Variants in ROBO2 observed in about 807,000 individuals in gnomAD.
ROBO2 encodes the protein roundabout guidance receptor 2.
A neutral mutation model predicts 160.8 loss-of-function variants in ROBO2; 53 were observed. The ratio of observed to expected loss-of-function variants is 0.33; its 90% CI spans 0.26 to 0.41. The LOEUF (loss-of-function observed/expected upper bound fraction) is 0.41, where lower values mean the gene tolerates loss of function less well. Among genes scored for constraint, ROBO2 ranks in the 10% least tolerant of loss-of-function variants. The pLI is 1.00. For missense variants in ROBO2, 1,577 were observed against 1,722.4 expected, an observed-to-expected ratio of 0.92 and a Z score of 1.49; for synonymous variants, 664 against 611.7, an observed-to-expected ratio of 1.09 and a Z score of -1.26.
At chr3:76,455,458 AAG>A (rs898717378) in intron 2 of ROBO2, among the ~76,000 whole-genome samples, 7 of 152,150 alleles carry the variant, frequency 4.6e-5, no homozygotes, top group Admixed American at 1.3e-4. Flanking sequence ...AAAAAATAAA[AAG>A]AGTAAAATAA....
chr3:77,437,402 A>G (rs564031030), intron 2 of ROBO2, among the ~76,000 whole-genome samples: 20 of 152,074 alleles, frequency 1.3e-4, no homozygotes, highest in African/African-American at 4.6e-4. Context: ...AGGGTTACCT[A>G]TTTAGGATTT....
intron 2 of ROBO2, among the ~76,000 whole-genome samples, chr3:76,598,905 T>C (rs2086912448): frequency 6.6e-6 from 1 of 152,166 alleles, no homozygotes; most frequent in Non-Finnish European, 1.5e-5. Context: ...AGAAAGTATA[T>C]AATAACCTTG....
intron 2 of ROBO2, among the ~76,000 whole-genome samples, chr3:76,669,755 G>T (rs2092192124): frequency 6.6e-6 from 1 of 152,128 alleles, no homozygotes; most frequent in Non-Finnish European, 1.5e-5. Flanking sequence ...ACTCTTAAGA[G>T]CAGAATTAAC....
intron 17 of ROBO2, among the ~76,000 whole-genome samples, chr3:77,593,163 A>G (rs2094217453): frequency 2.0e-5 from 3 of 151,674 alleles, no homozygotes; most frequent in Admixed American, 6.6e-5. Context: ...TATTCACACC[A>G]TTATCTTAAC....
chr3:77,432,684 C>A (rs1279501962), intron 2 of ROBO2, among the ~76,000 whole-genome samples: 3 of 152,188 alleles, frequency 2.0e-5, no homozygotes, highest in Non-Finnish European at 4.4e-5. Flanking sequence ...ACAAACCCAA[C>A]TTTTCAGTGG....
At chr3:76,434,241 T>A in intron 2 of ROBO2, 1 of 1,017,946 alleles carries the variant, frequency 9.8e-7, no homozygotes, top group African/African-American at 1.6e-5. Flanking sequence ...AGGTTTGACG[T>A]TGGAGCGAGC....
intron 2 of ROBO2, among the ~76,000 whole-genome samples, chr3:76,814,606 T>A (rs2065500890): frequency 6.6e-6 from 1 of 151,984 alleles, no homozygotes; most frequent in Non-Finnish European, 1.5e-5. Context: ...TTTTTTGTCA[T>A]TGATCAATGA....
intron 2 of ROBO2, among the ~76,000 whole-genome samples, chr3:76,343,377 AAT>A (rs1327606154): frequency 1.3e-5 from 2 of 152,088 alleles, no homozygotes; most frequent in African/African-American, 4.8e-5. Flanking sequence ...TGTGGAATTC[AAT>A]ATATGTCTAA....
At chr3:76,930,735 A>G (rs778050417) in intron 2 of ROBO2, among the ~76,000 whole-genome samples, 1 of 152,210 alleles carries the variant, frequency 6.6e-6, no homozygotes, top group African/African-American at 2.4e-5. Flanking sequence ...GTCAGATGGC[A>G]AGAGAAAATG....
At chr3:76,077,075 T>C (rs2068666681) in intron 2 of ROBO2, among the ~76,000 whole-genome samples, 1 of 152,222 alleles carries the variant, frequency 6.6e-6, no homozygotes, top group Non-Finnish European at 1.5e-5. Context: ...TTAGTTGTTG[T>C]TGATTATCCC....
At chr3:77,625,386 C>CTT (rs200584185) in intron 23 of ROBO2, among the ~76,000 whole-genome samples, 1 of 145,078 alleles carries the variant, frequency 6.9e-6, no homozygotes, top group African/African-American at 2.5e-5. Context: ...TTTCTTTCTT[C>CTT]TTTTTTTTTT....
intron 2 of ROBO2, among the ~76,000 whole-genome samples, chr3:76,924,757 C>T (rs1487535816): frequency 6.6e-6 from 1 of 152,178 alleles, no homozygotes. Context: ...ATTGGAATTC[C>T]AGCTTCACTA....
In ROBO2 at chr3:75,917,359, A is replaced by C. The variant is rs1434436487; in HGVS notation, c.-14+10399A>C. On this transcript the variant is annotated intron_variant, in intron 1 of 26. Transcript: ENST00000487694. ...AGCTTCATCCATGTCCCTGCAAAGG[A>C]CATGAACTCATCGTTTTTTATGGCT... is the stretch of plus-strand genomic sequence containing the variant. Among the ~76,000 whole-genome samples, 3 of 152,192 alleles carry C rather than the reference A, an allele frequency of 2.0e-5. No individual in the cohort carries two copies. The East Asian group carries it at 5.8e-4, about 29-fold the overall frequency.
At chr3:77,344,271 T>G (rs1206675925) in intron 2 of ROBO2, among the ~76,000 whole-genome samples, 1 of 152,178 alleles carries the variant, frequency 6.6e-6, no homozygotes, top group Non-Finnish European at 1.5e-5. Flanking sequence ...TATTTTTTTC[T>G]TAAAATATAT....
intron 2 of ROBO2, among the ~76,000 whole-genome samples, chr3:76,052,066 C>T (rs1244257424): frequency 2.0e-5 from 3 of 152,030 alleles, no homozygotes; most frequent in Non-Finnish European, 4.4e-5. Flanking sequence ...CATTCTTTTA[C>T]ACACACCTCA....
chr3:76,663,595 T>A (rs1473836099), intron 2 of ROBO2, among the ~76,000 whole-genome samples: 1 of 151,964 alleles, frequency 6.6e-6, no homozygotes, highest in African/African-American at 2.4e-5. Context: ...GCCGAATAAA[T>A]AAAGATAGGA....
chr3:76,929,907 C>T (rs1359019942), intron 2 of ROBO2, among the ~76,000 whole-genome samples: 1 of 152,198 alleles, frequency 6.6e-6, no homozygotes, highest in East Asian at 1.9e-4. Context: ...ATTCACCTTA[C>T]CTTTCTGACT....
rs180720403 is a variant in ROBO2, at chr3:77,615,566, G to A, written c.3294-1947G>A. On this transcript the variant is annotated intron_variant, in intron 21 of 25. Transcript: ENST00000461745. ...GTCTCCGTAGCGTTGACTTTTCCAG[G>A]GTGTCAAGTAGTTGGAATCTTATTG... Among the ~76,000 whole-genome samples, 288 of 152,118 alleles carry A rather than the reference G, an allele frequency of 1.9e-3. 1 individual carries two copies. Among genetic ancestry groups the A allele is most frequent in the African/African-American group, 6.7e-3 (279 of 41,494 alleles).
At chr3:76,163,862 G>A in intron 2 of ROBO2, among the ~76,000 whole-genome samples, 1 of 152,062 alleles carries the variant, frequency 6.6e-6, no homozygotes. Flanking sequence ...GATCAGGGTA[G>A]TAGTTGCTGA....
Sources: gnomAD v4.1 joint callset for allele counts (sites outside exome capture counted in the v4.1 genomes callset) on GRCh38, gnomAD v4.1.1 for gene constraint, MANE v1.5 for transcripts, NCBI Gene and HGNC (gene_info 2026-07-23, HGNC 2026-07-21) for gene names.